Variants in HOOK1 observed in about 807,000 individuals in gnomAD.
HOOK1 encodes hook microtubule tethering protein 1, also known as protein Hook homolog 1.
A neutral mutation model predicts 112.8 loss-of-function variants in HOOK1; 60 were observed. The observed-to-expected ratio is 0.53, with a 90% CI of 0.43 to 0.66. The LOEUF (loss-of-function observed/expected upper bound fraction) is 0.66. HOOK1 is among the 30% of genes least tolerant of loss of function. The pLI is 0.00. For missense variants in HOOK1, 770 were observed against 856.0 expected (o/e 0.90, Z 1.25); for synonymous variants, 294 against 283.8 (o/e 1.04, Z -0.36).
chr1:59,832,138 G>T, intron 3 of HOOK1, 25 bp from the exon 4 acceptor site: 2 of 1,309,066 alleles, frequency 1.5e-6, no homozygotes, highest in Non-Finnish European at 2.1e-6. Context: ...TCTGAAATAA[G>T]AATCTCTTAT....
At chr1:59,861,136 C>T (rs1329469687) in intron 15 of HOOK1, among the ~76,000 whole-genome samples, 1 of 152,086 alleles carries the variant, frequency 6.6e-6, no homozygotes, top group African/African-American at 2.4e-5. Flanking sequence ...GTCTCGAACT[C>T]CTGACCTCAT....
At position 59,833,461 on chromosome 1, in the gene HOOK1, A is replaced by T; in HGVS notation, c.330A>T (p.Glu110Asp). 6.3e-7 allele frequency: 1 copy of T among 1,587,156 alleles called. No homozygotes were observed. Among genetic ancestry groups the T allele is most frequent in the Non-Finnish European group, 8.6e-7 (1 of 1,162,168 alleles). Residue 110 changes from glutamate (E) to aspartate (D), a missense_variant, in exon 5 of 22, where the codon GAA becomes GAT. Physicochemically the swap from Glu to Asp is conservative, Grantham distance 45. Around this residue, in one of 3 missense-constraint regions of HOOK1, gnomAD observed 655 missense variants for 725.9 expected, o/e 0.90. Transcript: ENST00000371208. ...ALIPDLNQIT[E>D]CSDPVELGRL... ...TCCCTGATTTAAACCAAATAACCGAATGTTCAGATCCAGTGGAGCTTGGGA... is the reference window on the plus strand; with the variant it reads ...TCCCTGATTTAAACCAAATAACCGATTGTTCAGATCCAGTGGAGCTTGGGA...
At position 59,873,688 on chromosome 1, in the gene HOOK1, G is replaced by A. The variant is rs1449569444; in HGVS notation, c.*723G>A. The A allele has an allele frequency of 7.4e-6, 1 of 134,242 alleles. No individual in the cohort carries two copies. Among genetic ancestry groups the A allele is most frequent in the Non-Finnish European group, 1.5e-5 (1 of 64,652 alleles). The allele number at this position is 134,242 out of a possible 1,614,324, so 8.3% of individuals were successfully genotyped here. Reference sequence around the variant, plus strand: ...AAATGTTAAGCATAAGAAATAAACTGACATTTGTAATAGGTGACTTTCTGA... The same window carrying A: ...AAATGTTAAGCATAAGAAATAAACTAACATTTGTAATAGGTGACTTTCTGA... On this transcript the variant is annotated 3_prime_UTR_variant, in exon 22 of 22. Transcript: ENST00000371208.
intron 7 of HOOK1, among the ~76,000 whole-genome samples, chr1:59,839,799 C>T (rs1232768136): frequency 6.6e-6 from 1 of 152,106 alleles, no homozygotes; most frequent in African/African-American, 2.4e-5. Flanking sequence ...CAGTTTTTGC[C>T]CATTCAGTAT....
chr1:59,817,880 G>C (rs1278435097), intron 1 of HOOK1, among the ~76,000 whole-genome samples: 1 of 152,142 alleles, frequency 6.6e-6, no homozygotes, highest in African/African-American at 2.4e-5. Context: ...TGGGATCAGA[G>C]CTCTTACATG....
At chr1:59,866,445 C>T (rs570685384) in intron 19 of HOOK1, among the ~76,000 whole-genome samples, 1 of 152,302 alleles carries the variant, frequency 6.6e-6, no homozygotes, top group Non-Finnish European at 1.5e-5. Context: ...GTTCATCACA[C>T]TCAAGGTTTA....
intron 12 of HOOK1, among the ~76,000 whole-genome samples, chr1:59,852,533 G>GT (rs1424784097): frequency 1.7e-3 from 228 of 133,268 alleles, no homozygotes; most frequent in East Asian, 0.011. Context: ...GAATTTCTCT[G>GT]TTTTTTTTTT....
chr1:59,847,275 A>T, intron 10 of HOOK1, 90 bp downstream of exon 10: 1 of 1,106,662 alleles, frequency 9.0e-7, no homozygotes, highest in Non-Finnish European at 1.3e-6. Context: ...GATTCATAGG[A>T]TTATTCCTGT....
At chr1:59,871,418 A>G (rs1016377544) in intron 21 of HOOK1, among the ~76,000 whole-genome samples, 1 of 152,184 alleles carries the variant, frequency 6.6e-6, no homozygotes, top group African/African-American at 2.4e-5. Flanking sequence ...GAGCTGAAAC[A>G]CTCAATTTTT....
chr1:59,849,841 G>A (rs1272026791), intron 12 of HOOK1, among the ~76,000 whole-genome samples: 3 of 151,494 alleles, frequency 2.0e-5, no homozygotes, highest in Admixed American at 6.6e-5. Context: ...ATGGACATAC[G>A]GCATTTTGTT....
rs371429733 is a variant in HOOK1 at position 59,825,313 on chromosome 1, G to C, written c.149+3370G>C. 9.8e-5 allele frequency among the ~76,000 whole-genome samples: 15 copies of C among 152,286 alleles called. No individual in the cohort carries two copies. In the South Asian group the frequency reaches 2.9e-3, roughly 29 times the overall value. On this transcript the variant is annotated intron_variant, in intron 2 of 21. Transcript: ENST00000371208. ...GCCATATCTTCAAAAGAAAGGCTTA[G>C]CTTCTTCACTTTAAGCACCAGTTAA...
intron 8 of HOOK1, among the ~76,000 whole-genome samples, chr1:59,843,197 T>C (rs1449576347): frequency 6.6e-6 from 1 of 151,260 alleles, no homozygotes; most frequent in Non-Finnish European, 1.5e-5. Flanking sequence ...ATTTTAAAGA[T>C]ATAGTTACTC....
In HOOK1 at chr1:59,842,074, C is replaced by T. The variant is rs376567038; in HGVS notation, c.622-1358C>T. ...GATAGGAGCAAGATTGGTTATTCAC[C>T]AGGTGTTCAAAACTAAAATTTGCCC... On this transcript the variant is annotated intron_variant, in intron 8 of 21. Transcript: ENST00000371208. Among the ~76,000 whole-genome samples the T allele has an allele frequency of 4.7e-4, 71 of 152,170 alleles. 1 individual carries two copies. The East Asian group carries it at 0.013, about 29-fold the overall frequency.
Position 59,835,350 on chromosome 1 carries a change from A to G in HOOK1, c.412A>G (p.Ile138Val). Residue 138 changes from isoleucine to valine, a missense_variant, in exon 6 of 22, where the codon ATT (isoleucine) becomes GTT (valine). Physicochemically the swap from Ile to Val is conservative, Grantham distance 29 (BLOSUM62 3). Transcript: ENST00000371208. ...TTGATTTTTTTAAATCATAGAACAT[A>G]TTCAAAATATAATGACACTGGAAGA... ...AINCEKKQEH[I>V]QNIMTLEESV... is the part of the protein sequence containing the mutation. 6.4e-7 allele frequency: 1 copy of G among 1,567,054 alleles called. No individual in the cohort carries two copies. Among genetic ancestry groups the G allele is most frequent in the Non-Finnish European group, 8.8e-7 (1 of 1,138,964 alleles).
At chr1:59,844,876 T>G (rs1268890968) in intron 9 of HOOK1, among the ~76,000 whole-genome samples, 2 of 152,020 alleles carry the variant, frequency 1.3e-5, no homozygotes, top group Non-Finnish European at 2.9e-5. Flanking sequence ...TAGATAGATG[T>G]ACAATTATAT....
rs201191178 is a variant in HOOK1, at chr1:59,852,258, TC to T, written c.1242+3076del. ...TTCTTCTTTAAATGTTTTGTGGAGT[TC>T]AGTTTTCTGGGCCTGAGCTTTATTT... On this transcript the variant is annotated intron_variant, in intron 12 of 21. Coordinates refer to ENST00000371208, the MANE Select transcript of HOOK1 (RefSeq NM_015888.6). Among the ~76,000 whole-genome samples, 875 of 151,848 alleles carry T rather than the reference TC, an allele frequency of 5.8e-3. 6 individuals carry two copies. The highest frequency in any genetic ancestry group is 0.019 in the African/African-American group (799 of 41,534).
chr1:59,829,330 C>T (rs1224837845), intron 3 of HOOK1, among the ~76,000 whole-genome samples: 6 of 152,006 alleles, frequency 3.9e-5, no homozygotes, highest in Non-Finnish European at 7.4e-5. Context: ...GAATTTTTAA[C>T]ATTTTTGACT....
chr1:59,840,476 G>C (rs2098400513), intron 8 of HOOK1, 85 bp downstream of exon 8: 1 of 733,384 alleles, frequency 1.4e-6, no homozygotes, highest in Non-Finnish European at 2.0e-6. Flanking sequence ...TTAGCACTAT[G>C]TTTTGTAGAT....
rs1644122599 is a variant in HOOK1 at position 59,876,064 on chromosome 1, T to C, written c.*3099T>C. 6.6e-6 allele frequency: 1 copy of C among 152,644 alleles called. No individual in the cohort carries two copies. Among genetic ancestry groups the C allele is most frequent in the Non-Finnish European group, 1.5e-5 (1 of 68,042 alleles). 9.5% of individuals were successfully genotyped at this position (152,644 alleles called of 1,614,324 possible). A position where few individuals can be genotyped will look rare whatever the true frequency, so the allele number is the denominator to read the frequency against. ...TGAGAAACATTCCTATGTAAAAATG[T>C]GTGTATGTGAACGTATGCATACATT... On this transcript the variant is annotated 3_prime_UTR_variant, in exon 22 of 22. Coordinates refer to ENST00000371208, the MANE Select transcript of HOOK1 (RefSeq NM_015888.6).
Sources: gnomAD v4.1 joint callset for allele counts (sites outside exome capture counted in the v4.1 genomes callset) on GRCh38, gnomAD v4.1.1 for gene constraint, gnomAD v4.1.1 regional missense constraint, MANE v1.5 for transcripts, NCBI Gene and HGNC (gene_info 2026-07-23, HGNC 2026-07-21) for gene names.